Variants in PTGER3 observed in about 807,000 individuals in gnomAD.
PTGER3 encodes prostaglandin E2 receptor EP3 subtype.
PTGER3 carries 22 observed loss-of-function variants against 34.7 expected under a neutral mutation model. The ratio of observed to expected loss-of-function variants is 0.63; its 90% CI spans 0.45 to 0.91. PTGER3 has a LOEUF of 0.91. Ranked by LOEUF, PTGER3 falls within the 40% of genes least tolerant of loss-of-function variation. The pLI is 0.00. For missense variants in PTGER3, 468 were observed against 519.4 expected (o/e 0.90, Z 0.96); for synonymous variants, 241 against 230.1 (o/e 1.05, Z -0.43).
At chr1:70,985,719 C>G (rs1168605229) in intron 2 of PTGER3, among the ~76,000 whole-genome samples, 1 of 152,208 alleles carries the variant, frequency 6.6e-6, no homozygotes, top group Non-Finnish European at 1.5e-5. Flanking sequence ...GAGCTCTCTT[C>G]TTCCCCTGGA....
chr1:70,932,859 C>T (rs1316976391), intron 4 of PTGER3, among the ~76,000 whole-genome samples: 5 of 152,206 alleles, frequency 3.3e-5, no homozygotes, highest in Admixed American at 6.5e-5. Flanking sequence ...CAAATGTCTC[C>T]TCTGGAAAGA....
chr1:70,960,464 A>T (rs1235994808), intron 2 of PTGER3, among the ~76,000 whole-genome samples: 2 of 152,186 alleles, frequency 1.3e-5, no homozygotes, highest in Non-Finnish European at 2.9e-5. Context: ...AAAAGGTGAA[A>T]AAAAAGTGAG....
intron 4 of PTGER3, among the ~76,000 whole-genome samples, chr1:70,935,905 G>A (rs1649179878): frequency 6.6e-6 from 1 of 151,896 alleles, no homozygotes. Context: ...TGGGAAAAGG[G>A]AATAGCAGGA....
chr1:70,920,655 T>C (rs1647435481), intron 4 of PTGER3, among the ~76,000 whole-genome samples: 1 of 152,184 alleles, frequency 6.6e-6, no homozygotes, highest in Admixed American at 6.5e-5. Context: ...TGAGATTATT[T>C]GATTAAGAAA....
chr1:70,898,037 G>A (rs1646759431), intron 4 of PTGER3, among the ~76,000 whole-genome samples: 1 of 151,824 alleles, frequency 6.6e-6, no homozygotes, highest in South Asian at 2.1e-4. Context: ...GTGGGTAATT[G>A]GAAAGAAGGT....
chr1:70,878,091 C>T (rs1182813434), intron 4 of PTGER3, among the ~76,000 whole-genome samples: 1 of 152,022 alleles, frequency 6.6e-6, no homozygotes, highest in African/African-American at 2.4e-5. Flanking sequence ...GCTGTGAATC[C>T]GTCTGGTTCT....
chr1:70,883,425 TTC>T (rs1395602183), intron 4 of PTGER3, among the ~76,000 whole-genome samples: 2 of 152,222 alleles, frequency 1.3e-5, no homozygotes, highest in African/African-American at 4.8e-5. Flanking sequence ...TGTAACATAT[TTC>T]TGTTTTCTTT....
intron 2 of PTGER3, among the ~76,000 whole-genome samples, chr1:70,989,463 T>C (rs553765399): frequency 6.6e-6 from 1 of 152,270 alleles, no homozygotes; most frequent in East Asian, 1.9e-4. Flanking sequence ...TTTCTCTACC[T>C]TCTCACTTTC....
intron 4 of PTGER3, among the ~76,000 whole-genome samples, chr1:70,939,587 G>A (rs1423871807): frequency 3.3e-5 from 5 of 152,238 alleles, no homozygotes; most frequent in Non-Finnish European, 7.3e-5. Context: ...AAATCTAGGT[G>A]GAGGTTCCCA....
chr1:70,986,110 C>T (rs1411888788), intron 2 of PTGER3, among the ~76,000 whole-genome samples: 4 of 152,144 alleles, frequency 2.6e-5, no homozygotes, highest in Admixed American at 2.0e-4. Context: ...TACACTCCCA[C>T]CAGCACCATG....
intron 2 of PTGER3, among the ~76,000 whole-genome samples, chr1:70,987,339 G>A (rs997149973): frequency 3.3e-5 from 5 of 152,150 alleles, no homozygotes; most frequent in Non-Finnish European, 7.3e-5. Flanking sequence ...TGTATAATCA[G>A]TAATAGGAGT....
chr1:71,035,802 T>C (rs187868973), intron 1 of PTGER3, among the ~76,000 whole-genome samples: 1 of 152,362 alleles, frequency 6.6e-6, no homozygotes, highest in Admixed American at 6.5e-5. Flanking sequence ...TCTGGCCTTC[T>C]TTCAGTTCCT....
intron 4 of PTGER3, among the ~76,000 whole-genome samples, chr1:70,934,073 G>A (rs1340026784): frequency 6.6e-6 from 1 of 152,046 alleles, no homozygotes; most frequent in Admixed American, 6.6e-5. Context: ...CCATTTACTG[G>A]CAATGTATAT....
At chr1:71,041,093 A>G (rs1308503487) in intron 1 of PTGER3, among the ~76,000 whole-genome samples, 1 of 152,198 alleles carries the variant, frequency 6.6e-6, no homozygotes, top group African/African-American at 2.4e-5. Flanking sequence ...GATGTTCCTC[A>G]ACTTAAAACA....
chr1:70,991,259 G>A (rs1479147502), intron 2 of PTGER3, among the ~76,000 whole-genome samples: 1 of 152,122 alleles, frequency 6.6e-6, no homozygotes, highest in African/African-American at 2.4e-5. Context: ...GCTGGCCTGT[G>A]CACATTACAC....
intron 1 of PTGER3, among the ~76,000 whole-genome samples, chr1:71,022,472 A>C (rs1658506870): frequency 6.6e-6 from 1 of 151,968 alleles, no homozygotes; most frequent in Non-Finnish European, 1.5e-5. Context: ...TACACAATGC[A>C]GGGTGATGAA....
At chr1:71,006,517 A>G in intron 2 of PTGER3, 3 of 985,076 alleles carry the variant, frequency 3.0e-6, no homozygotes, top group Non-Finnish European at 3.6e-6. Context: ...AAATTACACC[A>G]AAATCCACAA....
downstream of PTGER3, among the ~76,000 whole-genome samples, chr1:70,969,879 C>T (rs1178614021): frequency 6.6e-6 from 1 of 152,168 alleles, no homozygotes; most frequent in Non-Finnish European, 1.5e-5. Flanking sequence ...GAGGATCTAT[C>T]GTGTAACACT....
At chr1:71,014,608 A>G (rs1657729320) in intron 1 of PTGER3, among the ~76,000 whole-genome samples, 2 of 152,140 alleles carry the variant, frequency 1.3e-5, no homozygotes, top group East Asian at 3.9e-4. Flanking sequence ...TATCCTTATA[A>G]GAAGAGGGAG....
Sources: gnomAD v4.1 joint callset for allele counts (sites outside exome capture counted in the v4.1 genomes callset) on GRCh38, gnomAD v4.1.1 for gene constraint, MANE v1.5 for transcripts, NCBI Gene and HGNC (gene_info 2026-07-23, HGNC 2026-07-21) for gene names.